The following FSTL4 variants were observed in gnomAD, a reference collection of about 807,000 sequenced individuals.
FSTL4 encodes follistatin like 4.
A neutral mutation model predicts 78.2 loss-of-function variants in FSTL4; 28 were observed. That is an observed-to-expected ratio of 0.36 (90% CI 0.27 to 0.49). The LOEUF is 0.49. Among genes scored for constraint, FSTL4 ranks in the 20% least tolerant of loss-of-function variants. The pLI, the probability that FSTL4 is intolerant of heterozygous loss-of-function variation, is 0.98. For missense variants in FSTL4, 922 were observed against 1,084.9 expected (o/e 0.85, Z 2.11); for synonymous variants, 422 against 440.5 (o/e 0.96, Z 0.53).
chr5:133,766,042 G>A, the FSTL4 span, among the ~76,000 whole-genome samples: 1 of 152,150 alleles, frequency 6.6e-6, no homozygotes, highest in Non-Finnish European at 1.5e-5. Context: ...CCACACTGAG[G>A]AGGGGACCCA....
chr5:133,254,012 T>C (rs567577391), intron 6 of FSTL4, among the ~76,000 whole-genome samples: 25 of 152,292 alleles, frequency 1.6e-4, no homozygotes, highest in African/African-American at 5.5e-4. Context: ...CCCTGAAGTT[T>C]TAATGTAAAG....
intron 4 of FSTL4, among the ~76,000 whole-genome samples, chr5:133,328,927 C>T (rs571408321): frequency 2.0e-4 from 31 of 152,320 alleles, no homozygotes; most frequent in African/African-American, 7.5e-4. Context: ...TGCTCAGCGT[C>T]AGCGAGGCAA....
chr5:133,780,279 G>A, the FSTL4 span, among the ~76,000 whole-genome samples: 2 of 152,142 alleles, frequency 1.3e-5, no homozygotes, highest in Non-Finnish European at 2.9e-5. Context: ...GGGGATATGG[G>A]CAGAGCAGCA....
intron 5 of FSTL4, among the ~76,000 whole-genome samples, 152 bp downstream of exon 5, chr5:133,316,306 TA>T (rs1217284196): frequency 6.6e-6 from 1 of 152,150 alleles, no homozygotes; most frequent in Non-Finnish European, 1.5e-5. Context: ...AAATAGAGGC[TA>T]AAGGTGGCTG....
At chr5:133,433,880 G>A (rs958982920) in intron 3 of FSTL4, among the ~76,000 whole-genome samples, 2 of 152,134 alleles carry the variant, frequency 1.3e-5, no homozygotes, top group African/African-American at 4.8e-5. Context: ...AGCAAGGCGG[G>A]AAGGGAGCGT....
At chr5:133,570,073 G>A (rs939214194) in intron 2 of FSTL4, among the ~76,000 whole-genome samples, 5 of 151,724 alleles carry the variant, frequency 3.3e-5, no homozygotes, top group Non-Finnish European at 1.5e-5. Context: ...GCCGGGCGTG[G>A]TGGTGGGCGC....
chr5:133,305,972 C>T (rs986320143), intron 6 of FSTL4, among the ~76,000 whole-genome samples: 4 of 152,166 alleles, frequency 2.6e-5, no homozygotes, highest in Admixed American at 6.5e-5. Flanking sequence ...AGCTTCAGGG[C>T]GGACCTGCTG....
intron 3 of FSTL4, among the ~76,000 whole-genome samples, chr5:133,531,042 C>T (rs2914577): frequency 6.6e-6 from 1 of 151,868 alleles, no homozygotes. Context: ...GAGGCTCGGC[C>T]CTGGATAGGG....
chr5:133,742,617 C>T, the FSTL4 span, among the ~76,000 whole-genome samples: 1 of 152,044 alleles, frequency 6.6e-6, no homozygotes, highest in Non-Finnish European at 1.5e-5. Context: ...AGGTCCTCAG[C>T]TCTCGGAGGG....
At chr5:133,808,756 C>G in the FSTL4 span, among the ~76,000 whole-genome samples, 1 of 152,092 alleles carries the variant, frequency 6.6e-6, no homozygotes, top group Non-Finnish European at 1.5e-5. Context: ...GCTGCCCCTC[C>G]ATGCTTCTGT....
intron 3 of FSTL4, among the ~76,000 whole-genome samples, chr5:133,559,052 C>T (rs1759859524): frequency 6.6e-6 from 1 of 152,062 alleles, no homozygotes; most frequent in South Asian, 2.1e-4. Context: ...TTGTTTTTTA[C>T]AAAAGAGCTT....
chr5:133,677,747 T>C, the FSTL4 span, among the ~76,000 whole-genome samples: 34,765 of 152,148 alleles, frequency 0.23, 4,459 homozygotes, highest in Admixed American at 0.32. Context: ...TGCTTAACAT[T>C]TCTGAGTCTT....
chr5:133,774,035 G>A, the FSTL4 span, among the ~76,000 whole-genome samples: 1 of 152,206 alleles, frequency 6.6e-6, no homozygotes, highest in Admixed American at 6.5e-5. Flanking sequence ...GAGCAATGGT[G>A]ATTATGAAAA....
At chr5:133,819,963 G>A in the FSTL4 span, among the ~76,000 whole-genome samples, 1 of 152,162 alleles carries the variant, frequency 6.6e-6, no homozygotes. Flanking sequence ...TGAGGAGGTG[G>A]CCGCTCATAG....
At chr5:133,737,949 T>C in the FSTL4 span, among the ~76,000 whole-genome samples, 9 of 152,090 alleles carry the variant, frequency 5.9e-5, no homozygotes, top group Non-Finnish European at 1.2e-4. Context: ...ACATGGGGAT[T>C]TTACTGTGTG....
At chr5:133,697,934 T>C in the FSTL4 span, among the ~76,000 whole-genome samples, 1,354 of 152,264 alleles carry the variant, frequency 8.9e-3, 22 homozygotes, top group African/African-American at 0.031. Flanking sequence ...ATAGCTCCCA[T>C]AGATGAGGGC....
chr5:133,436,627 G>A (rs1440035889), intron 3 of FSTL4, among the ~76,000 whole-genome samples: 1 of 152,034 alleles, frequency 6.6e-6, no homozygotes, highest in African/African-American at 2.4e-5. Flanking sequence ...ATCTCTTCCC[G>A]ACTCTGTGTT....
chr5:133,387,075 G>A (rs1275703525), intron 4 of FSTL4, among the ~76,000 whole-genome samples: 1 of 152,196 alleles, frequency 6.6e-6, no homozygotes, highest in Non-Finnish European at 1.5e-5. Flanking sequence ...AGGAAGGAAT[G>A]CAGCCATAAC....
In FSTL4 at chr5:133,316,501, A is replaced by G. The variant is rs772524620; in HGVS notation, c.561T>C (p.Asp187=). ...TGCTGAGGTGGCCATTGCCATCTGC[A>G]TCTAAGTCCCTGAACAGAGATTCCA... ...LLVESLFRDL[D]ADGNGHLSSS... Residue 187 remains aspartate (D), a synonymous_variant, in exon 5 of 16, where the codon GAT becomes GAC. Transcript: ENST00000265342. The G allele has an allele frequency of 3.1e-6, 5 of 1,614,052 alleles. No homozygotes were observed. The East Asian group carries it at 6.7e-5, about 22-fold the overall frequency.
Sources: gnomAD v4.1 joint callset for allele counts (sites outside exome capture counted in the v4.1 genomes callset) on GRCh38, gnomAD v4.1.1 for gene constraint, MANE v1.5 for transcripts, NCBI Gene and HGNC (gene_info 2026-07-23, HGNC 2026-07-21) for gene names.